NTNG1: variants seen among roughly 807,000 people sequenced by gnomAD.
NTNG1 encodes netrin-G1.
NTNG1 carries 16 observed loss-of-function variants against 54.0 expected under a neutral mutation model. The observed-to-expected ratio is 0.30, with a 90% CI of 0.20 to 0.45. The LOEUF is 0.45. Among genes scored for constraint, NTNG1 ranks in the 20% least tolerant of loss-of-function variants. The pLI, the probability that NTNG1 is intolerant of heterozygous loss-of-function variation, is 1.00. For synonymous variants in NTNG1, 255 were observed against 263.1 expected (o/e 0.97, Z 0.30); for missense variants, 530 against 678.7 (o/e 0.78, Z 2.43).
At chr1:107,327,074 G>C (rs933677434) in intron 3 of NTNG1, among the ~76,000 whole-genome samples, 7 of 152,136 alleles carry the variant, frequency 4.6e-5, no homozygotes, top group African/African-American at 1.7e-4. Context: ...CAGCTCCACT[G>C]TCTTTTCCTG....
intron 2 of NTNG1, among the ~76,000 whole-genome samples, chr1:107,265,839 T>C (rs1663701720): frequency 6.6e-6 from 1 of 152,190 alleles, no homozygotes; most frequent in African/African-American, 2.4e-5. Flanking sequence ...GGGAGTACTC[T>C]CTCTGGTGGT....
chr1:107,405,210 G>A (rs955524256), intron 4 of NTNG1, among the ~76,000 whole-genome samples: 4 of 151,970 alleles, frequency 2.6e-5, no homozygotes, highest in Non-Finnish European at 5.9e-5. Flanking sequence ...AGAAGCATTA[G>A]AAAAAAATAA....
intron 2 of NTNG1, among the ~76,000 whole-genome samples, 156 bp downstream of exon 2, chr1:107,148,995 T>C (rs568345737): frequency 6.6e-6 from 1 of 152,250 alleles, no homozygotes; most frequent in South Asian, 2.1e-4. Context: ...AGTGGAGGCT[T>C]ACACTGCCTG....
chr1:107,463,679 T>C lies in NTNG1; in HGVS notation c.1391-16932T>C, dbSNP rs140222006. 3.7e-3 allele frequency among the ~76,000 whole-genome samples: 568 copies of C among 152,282 alleles called. 4 individuals are homozygous for C. The highest frequency in any genetic ancestry group is 0.013 in the African/African-American group (546 of 41,554). ...GTAAGAGTTTTTGTCAGCAAATTAT[T>C]GAGAACCAAAATGTACTTGTGGCTT... is the stretch of plus-strand genomic sequence containing the variant. On this transcript the variant is annotated intron_variant, in intron 7 of 7. Coordinates refer to ENST00000370068, the MANE Select transcript of NTNG1 (RefSeq NM_001113226.3).
chr1:107,195,844 C>T (rs1328926536), intron 2 of NTNG1, among the ~76,000 whole-genome samples: 1 of 151,976 alleles, frequency 6.6e-6, no homozygotes, highest in Admixed American at 6.6e-5. Flanking sequence ...AAATCCTTTC[C>T]TAGACACGCT....
At chr1:107,260,546 T>A (rs1663243858) in intron 2 of NTNG1, among the ~76,000 whole-genome samples, 1 of 152,206 alleles carries the variant, frequency 6.6e-6, no homozygotes, top group Non-Finnish European at 1.5e-5. Flanking sequence ...CACGTGCCCG[T>A]AGAAGCACCT....
At chr1:107,286,796 G>A (rs1665229978) in intron 2 of NTNG1, among the ~76,000 whole-genome samples, 1 of 151,994 alleles carries the variant, frequency 6.6e-6, no homozygotes, top group Admixed American at 6.6e-5. Context: ...CCTGGTTGTT[G>A]GTGTGATTTA....
At chr1:107,408,781 C>T (rs1344949815) in intron 5 of NTNG1, 2 of 151,972 alleles carry the variant, frequency 1.3e-5, no homozygotes, top group Non-Finnish European at 2.9e-5. Flanking sequence ...AGGCTTGTGT[C>T]ATAGGTGCTG....
At chr1:107,367,013 T>G (rs1002065627) in intron 3 of NTNG1, among the ~76,000 whole-genome samples, 4 of 152,154 alleles carry the variant, frequency 2.6e-5, no homozygotes, top group Non-Finnish European at 5.9e-5. Context: ...ATATATTCAT[T>G]AGTCATTTTG....
chr1:107,285,914 G>T (rs899924992), intron 2 of NTNG1, among the ~76,000 whole-genome samples: 1 of 151,914 alleles, frequency 6.6e-6, no homozygotes, highest in Non-Finnish European at 1.5e-5. Flanking sequence ...TGTGACACTC[G>T]CTCCTCACCG....
Position 107,432,324 on chromosome 1 carries a change from C to A in NTNG1, c.1255+1407C>A, listed in dbSNP as rs115066418. Among the ~76,000 whole-genome samples, 870 of 152,268 alleles carry A rather than the reference C, an allele frequency of 5.7e-3. 12 individuals carry two copies. The highest frequency in any genetic ancestry group is 0.02 in the African/African-American group (831 of 41,562). ...GGTAAGTATTACACTAATTGTTTCC[C>A]CTGTCTTGTCATTGAGAAAAGTAAG... is the stretch of plus-strand genomic sequence containing the variant. On this transcript the variant is annotated intron_variant, in intron 6 of 7. Coordinates refer to ENST00000370068, the MANE Select transcript of NTNG1 (RefSeq NM_001113226.3).
intron 7 of NTNG1, among the ~76,000 whole-genome samples, chr1:107,473,987 T>C (rs773370583): frequency 3.3e-5 from 5 of 152,360 alleles, no homozygotes; most frequent in Middle Eastern, 3.4e-3. Flanking sequence ...TAGTATGTGA[T>C]ATTGGATACT....
intron 2 of NTNG1, among the ~76,000 whole-genome samples, chr1:107,269,838 G>T (rs978743932): frequency 6.6e-6 from 1 of 152,134 alleles, no homozygotes; most frequent in African/African-American, 2.4e-5. Context: ...TCAGACTTCT[G>T]CCTTTAAATA....
At chr1:107,424,746 C>T (rs574223429) in intron 5 of NTNG1, among the ~76,000 whole-genome samples, 1 of 152,106 alleles carries the variant, frequency 6.6e-6, no homozygotes, top group African/African-American at 2.4e-5. Flanking sequence ...GTTTATAAAA[C>T]GTCCAAGTGG....
intron 2 of NTNG1, among the ~76,000 whole-genome samples, chr1:107,201,553 A>G (rs371681184): frequency 6.6e-6 from 1 of 151,698 alleles, no homozygotes. Context: ...TGCCTTTTTT[A>G]TTTCCTTTGC....
At chr1:107,346,441 A>G (rs908253839) in intron 3 of NTNG1, among the ~76,000 whole-genome samples, 3 of 152,178 alleles carry the variant, frequency 2.0e-5, no homozygotes, top group Non-Finnish European at 4.4e-5. Context: ...AGTGGCATGG[A>G]CATGACCCAT....
At chr1:107,345,682 G>A (rs550482838) in intron 3 of NTNG1, among the ~76,000 whole-genome samples, 20 of 152,224 alleles carry the variant, frequency 1.3e-4, no homozygotes, top group African/African-American at 4.6e-4. Context: ...TTTACGTGCA[G>A]CCTTTGCAGT....
At chr1:107,353,729 A>G (rs1057468406) in intron 3 of NTNG1, among the ~76,000 whole-genome samples, 5 of 152,336 alleles carry the variant, frequency 3.3e-5, no homozygotes, top group South Asian at 2.1e-4. Context: ...CACTGCTACA[A>G]AGAAATACCT....
chr1:107,171,659 T>A (rs1034638544), intron 2 of NTNG1, among the ~76,000 whole-genome samples: 12 of 152,150 alleles, frequency 7.9e-5, no homozygotes, highest in African/African-American at 2.2e-4. Flanking sequence ...TCAGTATTAG[T>A]CACTGCACAC....
Sources: allele counts gnomAD v4.1 joint callset (sites outside exome capture counted in the v4.1 genomes callset), GRCh38; gene constraint gnomAD v4.1.1; transcripts MANE v1.5; gene names NCBI Gene and HGNC (gene_info 2026-07-23, HGNC 2026-07-21).